EDIL3: variants seen among roughly 807,000 people sequenced by gnomAD.
EDIL3 encodes the protein EGF-like repeat and discoidin I-like domain-containing protein 3.
A neutral mutation model predicts 67.4 loss-of-function variants in EDIL3; 37 were observed. That is an observed-to-expected ratio of 0.55 (90% CI 0.42 to 0.72). EDIL3 has a LOEUF of 0.72. EDIL3 is among the 30% of genes least tolerant of loss of function. The probability of loss-of-function intolerance (pLI) is 0.00; values close to 1 mark genes in which losing one functional copy is unlikely to be tolerated. For synonymous variants in EDIL3, 195 were observed against 196.3 expected, an observed-to-expected ratio of 0.99 and a Z score of 0.05; for missense variants, 527 against 586.3, an observed-to-expected ratio of 0.90 and a Z score of 1.04.
In EDIL3 at chr5:84,278,927, C is replaced by T. The variant is rs902345045; in HGVS notation, c.68-24715G>A. Among the ~76,000 whole-genome samples the T allele has an allele frequency of 9.9e-5, 15 of 152,230 alleles. No homozygotes were observed. The South Asian group carries it at 2.1e-3, about 21-fold the overall frequency. ...TGTGGTATAATTTAAGGGATACAGG[C>T]TTTAGGAGCCATATCAATATTTTTT... On this transcript the variant is annotated intron_variant, in intron 1 of 10. Transcript: ENST00000296591.
chr5:84,164,662 A>T (rs1484109336), intron 4 of EDIL3, among the ~76,000 whole-genome samples: 1 of 152,024 alleles, frequency 6.6e-6, no homozygotes, highest in Non-Finnish European at 1.5e-5. Flanking sequence ...CTTATCACTC[A>T]CTTATTTATA....
chr5:84,140,415 C>T lies in EDIL3; in HGVS notation c.356-3061G>A, dbSNP rs570019860. On this transcript the variant is annotated intron_variant, in intron 4 of 10. Coordinates refer to ENST00000296591, the MANE Select transcript of EDIL3 (RefSeq NM_005711.5). ...CTGTTTTTTGCCTCCTTAAATCTTC[C>T]AAGTCTTTACACCGTAAGTAGTAAT... is the stretch of plus-strand genomic sequence containing the variant. Among the ~76,000 whole-genome samples the T allele has an allele frequency of 3.0e-4, 46 of 152,134 alleles. 1 individual carries two copies. In the South Asian group the frequency reaches 9.1e-3, roughly 30 times the overall value.
intron 6 of EDIL3, among the ~76,000 whole-genome samples, chr5:84,094,159 A>C (rs1747218632): frequency 6.6e-6 from 1 of 152,242 alleles, no homozygotes; most frequent in Non-Finnish European, 1.5e-5. Flanking sequence ...GCATTAAGAC[A>C]TCTTTACTTA....
rs868421342 is a variant in EDIL3 at position 84,207,584 on chromosome 5, G to A, written c.226+22271C>T. Among the ~76,000 whole-genome samples the A allele has an allele frequency of 8.1e-4, 123 of 151,034 alleles. 5 individuals carry two copies. The highest frequency in any genetic ancestry group is 5.7e-3 in the Admixed American group (87 of 15,166). On this transcript the variant is annotated intron_variant, in intron 3 of 10. Coordinates refer to ENST00000296591, the MANE Select transcript of EDIL3 (RefSeq NM_005711.5). The stretch of plus-strand genomic sequence containing the variant: ...ATGGAACCAAAAAAGAGCCCGCATC[G>A]CCAAGTCAATCCTAAGCCAAAAGAA...
At chr5:84,141,372 G>C (rs1354289608) in intron 4 of EDIL3, among the ~76,000 whole-genome samples, 1 of 149,812 alleles carries the variant, frequency 6.7e-6, no homozygotes, top group Non-Finnish European at 1.5e-5. Context: ...GAGGCACAGT[G>C]ATGAGAGCTG....
chr5:84,340,532 CTCTATATATATA>C (rs756637733), intron 1 of EDIL3, among the ~76,000 whole-genome samples: 1,479 of 66,480 alleles, frequency 0.022, 15 homozygotes, highest in South Asian at 0.055. Flanking sequence ...CTCTCTCTCT[CTCTATATATATA>C]TATATATATA....
chr5:83,989,800 G>A (rs1186021925), intron 9 of EDIL3, among the ~76,000 whole-genome samples: 3 of 152,218 alleles, frequency 2.0e-5, no homozygotes, highest in South Asian at 2.1e-4. Context: ...CCTTGATCAT[G>A]TTATTAAGCC....
intron 1 of EDIL3, among the ~76,000 whole-genome samples, chr5:84,320,885 G>A (rs1746628830): frequency 6.6e-6 from 1 of 152,174 alleles, no homozygotes; most frequent in African/African-American, 2.4e-5. Flanking sequence ...TGTAAGGTTT[G>A]CTGAAGATTT....
chr5:84,214,971 T>A (rs1406390436), intron 3 of EDIL3, among the ~76,000 whole-genome samples: 1 of 152,150 alleles, frequency 6.6e-6, no homozygotes, highest in Non-Finnish European at 1.5e-5. Flanking sequence ...CTGCCCACCG[T>A]GGCCTCCCAA....
intron 1 of EDIL3, among the ~76,000 whole-genome samples, chr5:84,257,441 A>T (rs1745141446): frequency 6.6e-6 from 1 of 152,170 alleles, no homozygotes; most frequent in Non-Finnish European, 1.5e-5. Flanking sequence ...CGAAATTTTC[A>T]TCTTATTTCC....
intron 2 of EDIL3, among the ~76,000 whole-genome samples, chr5:84,231,037 G>A (rs951096529): frequency 6.6e-6 from 1 of 152,084 alleles, no homozygotes; most frequent in African/African-American, 2.4e-5. Flanking sequence ...CAAATTCTGG[G>A]CTCCACATAG....
At chr5:84,007,289 A>T (rs902170658) in intron 9 of EDIL3, among the ~76,000 whole-genome samples, 2 of 152,194 alleles carry the variant, frequency 1.3e-5, no homozygotes, top group African/African-American at 2.4e-5. Context: ...CCATTGAGTT[A>T]AAAAGCTTCT....
chr5:84,030,386 CAAACGTT>C (rs780887622), intron 9 of EDIL3, among the ~76,000 whole-genome samples: 33 of 152,090 alleles, frequency 2.2e-4, no homozygotes, highest in Admixed American at 8.5e-4. Context: ...CTTTACTTCA[CAAACGTT>C]AAACATGAGG....
intron 10 of EDIL3, 67 bp downstream of exon 10, chr5:83,963,138 T>C (rs1466499849): frequency 6.6e-7 from 1 of 1,504,640 alleles, no homozygotes; most frequent in South Asian, 1.4e-5. Flanking sequence ...AGCAGTTAAT[T>C]CAATCAAACT....
At chr5:84,175,914 A>G (rs1748895974) in intron 4 of EDIL3, among the ~76,000 whole-genome samples, 1 of 152,078 alleles carries the variant, frequency 6.6e-6, no homozygotes. Context: ...CAAGTGTAAC[A>G]TAGAAGACAA....
At chr5:84,350,547 A>C (rs1245653235) in intron 1 of EDIL3, among the ~76,000 whole-genome samples, 2 of 152,118 alleles carry the variant, frequency 1.3e-5, no homozygotes, top group Admixed American at 6.6e-5. Context: ...CATTTATTTG[A>C]TGATCCACAG....
chr5:84,079,429 T>A (rs146625684), intron 6 of EDIL3, among the ~76,000 whole-genome samples: 29 of 152,080 alleles, frequency 1.9e-4, no homozygotes, highest in Admixed American at 6.5e-4. Context: ...CTGGGGTTAG[T>A]GTAAGAGTGT....
intron 1 of EDIL3, among the ~76,000 whole-genome samples, chr5:84,274,638 T>C (rs1225496369): frequency 1.3e-5 from 2 of 152,196 alleles, no homozygotes; most frequent in Non-Finnish European, 2.9e-5. Context: ...TTTTTAATGT[T>C]AGTTTTTACT....
chr5:84,319,477 C>CAAAAAAAAAAAAAAA (rs1746581848), intron 1 of EDIL3, among the ~76,000 whole-genome samples: 1 of 18,190 alleles, frequency 5.5e-5, no homozygotes, highest in Non-Finnish European at 1.2e-4. Flanking sequence ...AAAAAAAAAA[C>CAAAAAAAAAAAAAAA]AAAAAACAAA....
Sources: allele counts gnomAD v4.1 joint callset (sites outside exome capture counted in the v4.1 genomes callset), GRCh38; gene constraint gnomAD v4.1.1; transcripts MANE v1.5; gene names NCBI Gene and HGNC (gene_info 2026-07-23, HGNC 2026-07-21).